The following CACNB4 variants were observed in gnomAD, a reference collection of about 807,000 sequenced individuals.
CACNB4 encodes the protein voltage-dependent L-type calcium channel subunit beta-4.
Under a neutral mutation model 71.2 loss-of-function variants are expected in CACNB4, and 32 were observed. The ratio of observed to expected loss-of-function variants is 0.45; its 90% CI spans 0.34 to 0.60. The LOEUF is 0.60. Among genes scored for constraint, CACNB4 ranks in the 20% least tolerant of loss-of-function variants. The pLI, the probability that CACNB4 is intolerant of heterozygous loss-of-function variation, is 0.01. For missense variants in CACNB4, 464 were observed against 647.9 expected, an observed-to-expected ratio of 0.72 and a Z score of 3.08; for synonymous variants, 231 against 236.9, an observed-to-expected ratio of 0.97 and a Z score of 0.23.
chr2:151,987,402 G>A (rs1171837892), intron 2 of CACNB4, among the ~76,000 whole-genome samples: 1 of 152,004 alleles, frequency 6.6e-6, no homozygotes, highest in Non-Finnish European at 1.5e-5. Context: ...TCTCTCCATG[G>A]GCTATTTTGC....
At chr2:151,991,597 T>C (rs1346409845) in intron 2 of CACNB4, among the ~76,000 whole-genome samples, 2 of 152,244 alleles carry the variant, frequency 1.3e-5, no homozygotes, top group East Asian at 3.8e-4. Context: ...AAGAATGTGC[T>C]TCTTGCTTTC....
chr2:151,955,130 C>A (rs1424288185), intron 2 of CACNB4, among the ~76,000 whole-genome samples: 2 of 152,118 alleles, frequency 1.3e-5, no homozygotes, highest in African/African-American at 4.8e-5. Flanking sequence ...GCTGGGATTA[C>A]AGGCGTGAGC....
At chr2:151,863,052 G>C (rs1346797244) in intron 9 of CACNB4, among the ~76,000 whole-genome samples, 1 of 151,016 alleles carries the variant, frequency 6.6e-6, no homozygotes, top group African/African-American at 2.4e-5. Context: ...AATAGGGTTT[G>C]TGTGGTTTTT....
At position 152,052,537 on chromosome 2, in the gene CACNB4, G is replaced by A. The variant is rs536838462; in HGVS notation, c.147+45793C>T. Among the ~76,000 whole-genome samples the A allele has an allele frequency of 4.1e-4, 62 of 152,140 alleles. 1 individual carries two copies. In the South Asian group the frequency reaches 0.012, roughly 30 times the overall value. On this transcript the variant is annotated intron_variant, in intron 2 of 13. Coordinates refer to ENST00000539935, the MANE Select transcript of CACNB4 (RefSeq NM_000726.5). ...TTGAACTCCTGACCTCAGGTGATCC[G>A]CCCGCCTCGGCCTTCCACAGTGCTG...
chr2:152,079,640 G>T (rs1370344394), intron 2 of CACNB4, among the ~76,000 whole-genome samples: 1 of 151,976 alleles, frequency 6.6e-6, no homozygotes, highest in Admixed American at 6.6e-5. Flanking sequence ...TGTAAAATTA[G>T]CTGGGCGCAG....
intron 2 of CACNB4, among the ~76,000 whole-genome samples, chr2:152,043,039 C>T (rs1021710841): frequency 2.0e-5 from 3 of 152,114 alleles, no homozygotes; most frequent in South Asian, 2.1e-4. Flanking sequence ...GCCATGGCAA[C>T]GTCAGGAAGT....
At chr2:152,009,373 T>C (rs1047948549) in intron 2 of CACNB4, among the ~76,000 whole-genome samples, 7 of 152,090 alleles carry the variant, frequency 4.6e-5, no homozygotes, top group Admixed American at 3.9e-4. Flanking sequence ...GATGAAATCA[T>C]GGGACAGAAA....
At chr2:152,045,207 G>C (rs1685086501) in intron 2 of CACNB4, among the ~76,000 whole-genome samples, 1 of 152,076 alleles carries the variant, frequency 6.6e-6, no homozygotes, top group Non-Finnish European at 1.5e-5. Flanking sequence ...TTAAAGATAA[G>C]GACTGGGAAT....
intron 2 of CACNB4, among the ~76,000 whole-genome samples, chr2:151,943,636 C>A (rs536204064): frequency 5.3e-5 from 8 of 152,276 alleles, no homozygotes; most frequent in Admixed American, 2.0e-4. Context: ...CATCCCACTT[C>A]CAAGGGCTAA....
rs570046828 is a variant in CACNB4 at position 151,997,402 on chromosome 2, C to T, written c.147+100928G>A. 2.0e-4 allele frequency among the ~76,000 whole-genome samples: 30 copies of T among 152,172 alleles called. No individual in the cohort carries two copies. In the South Asian group the frequency reaches 5.6e-3, roughly 28 times the overall value. ...ACAAAAAATTAGGCAGGCGTGGTGGCGGGCGCCTCTAGTCCCAGCTGCTCA... is the reference window on the plus strand; with the variant it reads ...ACAAAAAATTAGGCAGGCGTGGTGGTGGGCGCCTCTAGTCCCAGCTGCTCA... On this transcript the variant is annotated intron_variant, in intron 2 of 13. Coordinates refer to ENST00000539935, the MANE Select transcript of CACNB4 (RefSeq NM_000726.5).
At chr2:151,841,189 C>A (rs573759342) in intron 13 of CACNB4, among the ~76,000 whole-genome samples, 1 of 152,228 alleles carries the variant, frequency 6.6e-6, no homozygotes, top group South Asian at 2.1e-4. Flanking sequence ...AACCTGGGTG[C>A]GGCAGGATTA....
In CACNB4 at chr2:151,942,264, G is replaced by A. The variant is rs573733158; in HGVS notation, c.148-58894C>T. ...CCAAATGGAGGGACTGGCTGGAGCCGTGGCAGAGGAACATAAATTGTGAAG... is the reference window on the plus strand; with the variant it reads ...CCAAATGGAGGGACTGGCTGGAGCCATGGCAGAGGAACATAAATTGTGAAG... On this transcript the variant is annotated intron_variant, in intron 2 of 13. Coordinates refer to ENST00000539935, the MANE Select transcript of CACNB4 (RefSeq NM_000726.5). Among the ~76,000 whole-genome samples the A allele has an allele frequency of 8.4e-4, 125 of 149,288 alleles. 5 individuals carry two copies. The highest frequency in any genetic ancestry group is 1.5e-3 in the Non-Finnish European group (99 of 68,024).
chr2:151,918,390 G>C (rs908829339), intron 2 of CACNB4, among the ~76,000 whole-genome samples: 8 of 152,150 alleles, frequency 5.3e-5, no homozygotes, highest in African/African-American at 1.9e-4. Flanking sequence ...CCTGTGGTTA[G>C]CAAGAGACAA....
In CACNB4 at chr2:152,041,170, A is replaced by G. The variant is rs1475033417; in HGVS notation, c.147+57160T>C. Among the ~76,000 whole-genome samples, 3 of 152,212 alleles carry G rather than the reference A, an allele frequency of 2.0e-5. No individual in the cohort carries two copies. The East Asian group carries it at 5.8e-4, about 29-fold the overall frequency. On this transcript the variant is annotated intron_variant, in intron 2 of 13. Transcript: ENST00000539935. Reference sequence around the variant, plus strand: ...TTTGGCACTCAGTATAATGATTGTGAGACACTAAGAAAGACAAATGATTTT... The same window carrying G: ...TTTGGCACTCAGTATAATGATTGTGGGACACTAAGAAAGACAAATGATTTT...
intron 2 of CACNB4, among the ~76,000 whole-genome samples, chr2:152,083,731 G>C (rs1454012461): frequency 6.6e-6 from 1 of 152,200 alleles, no homozygotes; most frequent in Non-Finnish European, 1.5e-5. Flanking sequence ...GCAATGAAAA[G>C]ATTCTTATCA....
chr2:152,083,801 T>C (rs918687407), intron 2 of CACNB4, among the ~76,000 whole-genome samples: 6 of 152,186 alleles, frequency 3.9e-5, no homozygotes, highest in Non-Finnish European at 8.8e-5. Flanking sequence ...CACTTCCCTT[T>C]CTGAAAGCAT....
At chr2:152,019,042 C>T (rs6736011) in intron 2 of CACNB4, among the ~76,000 whole-genome samples, 61,740 of 151,876 alleles carry the variant, frequency 0.41, 15,469 homozygotes, top group Non-Finnish European at 0.57. Flanking sequence ...GGAATTCACA[C>T]ACCACAGTGT....
At chr2:152,086,948 T>C (rs960542967) in intron 2 of CACNB4, among the ~76,000 whole-genome samples, 3 of 151,928 alleles carry the variant, frequency 2.0e-5, no homozygotes, top group African/African-American at 7.3e-5. Flanking sequence ...CTGACCAACA[T>C]GGAGAAACCC....
intron 2 of CACNB4, among the ~76,000 whole-genome samples, chr2:152,054,365 CAAAAAA>C (rs34291036): frequency 3.5e-5 from 3 of 85,180 alleles, no homozygotes; most frequent in African/African-American, 4.6e-5. Flanking sequence ...AACTCCGTCT[CAAAAAA>C]AAAAAAAAAA....
Sources: allele counts gnomAD v4.1 joint callset (sites outside exome capture counted in the v4.1 genomes callset), GRCh38; gene constraint gnomAD v4.1.1; transcripts MANE v1.5; gene names NCBI Gene and HGNC (gene_info 2026-07-23, HGNC 2026-07-21).